Variants in NDUFAF2 observed in about 807,000 individuals in gnomAD.
NDUFAF2 encodes NADH:ubiquinone oxidoreductase complex assembly factor 2, also known as NADH dehydrogenase [ubiquinone] 1 alpha subcomplex assembly factor 2.
Under a neutral mutation model 22.8 loss-of-function variants are expected in NDUFAF2, and 13 were observed. That is an observed-to-expected ratio of 0.57 (90% CI 0.37 to 0.91). The LOEUF (loss-of-function observed/expected upper bound fraction) is 0.91, where lower values mean the gene tolerates loss of function less well. Ranked by LOEUF, NDUFAF2 falls within the 40% of genes least tolerant of loss-of-function variation. NDUFAF2 has a pLI of 0.01. For missense variants in NDUFAF2, 162 were observed against 195.2 expected, an observed-to-expected ratio of 0.83 and a Z score of 1.01; for synonymous variants, 53 against 64.2, an observed-to-expected ratio of 0.83 and a Z score of 0.84.
chr5:60,986,600 A>C (rs1456264565), intron 1 of NDUFAF2, among the ~76,000 whole-genome samples: 3 of 152,106 alleles, frequency 2.0e-5, no homozygotes, highest in Non-Finnish European at 4.4e-5. Flanking sequence ...AGACAAAAAA[A>C]ATAACCAAAG....
At chr5:61,152,200 A>T (rs1741252133) in intron 3 of NDUFAF2, among the ~76,000 whole-genome samples, 1 of 151,306 alleles carries the variant, frequency 6.6e-6, no homozygotes, top group African/African-American at 2.4e-5. Flanking sequence ...CTGCCATACC[A>T]CTCCAGAAGA....
chr5:60,962,690 A>G (rs1750705085), intron 1 of NDUFAF2, among the ~76,000 whole-genome samples: 3 of 151,618 alleles, frequency 2.0e-5, no homozygotes, highest in African/African-American at 7.3e-5. Flanking sequence ...AAAATTAGCC[A>G]GGCCTGGTGG....
intron 1 of NDUFAF2, among the ~76,000 whole-genome samples, chr5:61,059,192 A>G (rs1184045022): frequency 6.6e-6 from 1 of 152,080 alleles, no homozygotes; most frequent in African/African-American, 2.4e-5. Flanking sequence ...ATCTTCTTAG[A>G]TTAATGCAAT....
intron 1 of NDUFAF2, among the ~76,000 whole-genome samples, chr5:61,036,602 G>C (rs1203712302): frequency 6.6e-6 from 1 of 152,148 alleles, no homozygotes; most frequent in Non-Finnish European, 1.5e-5. Context: ...GTAAAGGTGT[G>C]GGCTGGGCCT....
intron 3 of NDUFAF2, among the ~76,000 whole-genome samples, chr5:61,119,484 GCAAATTTA>G (rs924300874): frequency 2.6e-5 from 4 of 152,048 alleles, no homozygotes; most frequent in Middle Eastern, 3.4e-3. Flanking sequence ...TGATCTTATT[GCAAATTTA>G]CACAGAAGCA....
In NDUFAF2 at chr5:61,003,287, T is replaced by C. The variant is rs146163961; in HGVS notation, c.127+57905T>C. ...ACTGGCTAAGAAGGCCTTTGGAATA[T>C]ACTGCTTCTGAAGTTTTTTAACTCT... is the stretch of plus-strand genomic sequence containing the variant. On this transcript the variant is annotated intron_variant, in intron 1 of 3. Coordinates refer to ENST00000296597, the MANE Select transcript of NDUFAF2 (RefSeq NM_174889.5). Among the ~76,000 whole-genome samples, 19 of 152,280 alleles carry C rather than the reference T, an allele frequency of 1.2e-4. 3 individuals are homozygous for C. In the East Asian group the frequency reaches 3.7e-3, roughly 29 times the overall value.
At chr5:61,121,179 A>G (rs1018243389) in intron 3 of NDUFAF2, among the ~76,000 whole-genome samples, 4 of 152,154 alleles carry the variant, frequency 2.6e-5, no homozygotes, top group Non-Finnish European at 5.9e-5. Flanking sequence ...TGTTAGTCCT[A>G]TAGTCATAAA....
chr5:61,044,263 G>A (rs1751919780), intron 1 of NDUFAF2, among the ~76,000 whole-genome samples: 1 of 151,710 alleles, frequency 6.6e-6, no homozygotes, highest in Admixed American at 6.6e-5. Flanking sequence ...CTTATGAGAT[G>A]TGTGGGTTTT....
intron 1 of NDUFAF2, among the ~76,000 whole-genome samples, chr5:60,967,009 G>T (rs756620520): frequency 9.3e-4 from 142 of 152,084 alleles, no homozygotes; most frequent in Non-Finnish European, 1.7e-3. Flanking sequence ...TGTGTACACT[G>T]CAGTTTCTTT....
At chr5:61,127,374 G>A (rs1402342622) in intron 3 of NDUFAF2, among the ~76,000 whole-genome samples, 1 of 152,132 alleles carries the variant, frequency 6.6e-6, no homozygotes, top group Non-Finnish European at 1.5e-5. Context: ...GAACATTGAT[G>A]CAAAAATCCT....
At chr5:61,039,013 G>C (rs74517835) in intron 1 of NDUFAF2, among the ~76,000 whole-genome samples, 2,182 of 151,870 alleles carry the variant, frequency 0.014, 64 homozygotes, top group African/African-American at 0.05. Flanking sequence ...TGTTTAAATG[G>C]TAAGTCCCTA....
intron 1 of NDUFAF2, among the ~76,000 whole-genome samples, chr5:61,050,030 A>T (rs573450006): frequency 1.6e-4 from 24 of 152,166 alleles, no homozygotes; most frequent in African/African-American, 5.5e-4. Context: ...TGCAATGCAC[A>T]TGGACATACA....
intron 1 of NDUFAF2, among the ~76,000 whole-genome samples, chr5:61,070,604 C>CACAA (rs1336372312): frequency 6.6e-6 from 1 of 151,002 alleles, no homozygotes; most frequent in Non-Finnish European, 1.5e-5. Flanking sequence ...CATACACACA[C>CACAA]ACACACACAC....
chr5:61,079,872 G>A (rs1211076000), intron 2 of NDUFAF2, among the ~76,000 whole-genome samples: 2 of 152,136 alleles, frequency 1.3e-5, no homozygotes, highest in Non-Finnish European at 2.9e-5. Context: ...GATTTTGACA[G>A]GATTCCCTCC....
chr5:60,961,274 A>G (rs531984566), intron 1 of NDUFAF2, among the ~76,000 whole-genome samples: 1 of 152,184 alleles, frequency 6.6e-6, no homozygotes, highest in East Asian at 1.9e-4. Flanking sequence ...AGCCAGGCCA[A>G]CATGGTGAAA....
chr5:61,004,400 T>C (rs536595342), intron 1 of NDUFAF2, among the ~76,000 whole-genome samples: 3 of 152,094 alleles, frequency 2.0e-5, no homozygotes, highest in African/African-American at 7.2e-5. Flanking sequence ...GAGTCTGATA[T>C]AATGGATAAC....
intron 1 of NDUFAF2, among the ~76,000 whole-genome samples, chr5:61,021,062 C>G (rs1751577603): frequency 7.0e-6 from 1 of 142,276 alleles, no homozygotes; most frequent in Non-Finnish European, 1.5e-5. Flanking sequence ...TTTGGTGTTA[C>G]TTTTATTACT....
intron 3 of NDUFAF2, among the ~76,000 whole-genome samples, chr5:61,135,787 C>G (rs923402741): frequency 1.3e-5 from 2 of 151,770 alleles, no homozygotes; most frequent in Non-Finnish European, 2.9e-5. Context: ...ATCACGTGGG[C>G]AAGGCTACAG....
At chr5:60,945,434 T>A in intron 1 of NDUFAF2, 52 bp downstream of exon 1, 1 of 1,613,532 alleles carries the variant, frequency 6.2e-7, no homozygotes, top group Non-Finnish European at 8.5e-7. Flanking sequence ...GCGAGGTCAG[T>A]AAAGGAGGGA....
Sources: gnomAD v4.1 joint callset for allele counts (sites outside exome capture counted in the v4.1 genomes callset) on GRCh38, gnomAD v4.1.1 for gene constraint, MANE v1.5 for transcripts, NCBI Gene and HGNC (gene_info 2026-07-23, HGNC 2026-07-21) for gene names.